Variants in NKAIN3 observed in about 807,000 individuals in gnomAD.
NKAIN3 encodes sodium/potassium transporting ATPase interacting 3, also known as sodium/potassium-transporting ATPase subunit beta-1-interacting protein 3.
NKAIN3 carries 25 observed loss-of-function variants against 30.2 expected under a neutral mutation model. That is an observed-to-expected ratio of 0.83 (90% CI 0.60 to 1.16). The LOEUF (loss-of-function observed/expected upper bound fraction) is 1.16, where lower values mean the gene tolerates loss of function less well. Among genes scored for constraint, NKAIN3 ranks in the 50% most tolerant of loss-of-function variants. NKAIN3 has a pLI of 0.00. For synonymous variants in NKAIN3, 91 were observed against 89.6 expected (o/e 1.02, Z -0.09); for missense variants, 225 against 254.1 (o/e 0.89, Z 0.78).
intron 1 of NKAIN3, among the ~76,000 whole-genome samples, chr8:62,439,344 G>A (rs930332570): frequency 6.5e-4 from 99 of 152,132 alleles, no homozygotes; most frequent in African/African-American, 1.9e-3. Flanking sequence ...GAGACTGTTA[G>A]GACAATTACT....
chr8:62,259,320 T>G (rs1812357837), intron 1 of NKAIN3, among the ~76,000 whole-genome samples: 1 of 152,132 alleles, frequency 6.6e-6, no homozygotes, highest in Admixed American at 6.5e-5. Context: ...GGAGAGATTT[T>G]CCAATTAGTG....
chr8:62,864,928 G>A (rs12679603), intron 4 of NKAIN3, among the ~76,000 whole-genome samples: 106,044 of 151,960 alleles, frequency 0.7, 37,752 homozygotes, highest in African/African-American at 0.8. Context: ...CATCTGGAGC[G>A]CGGCGTGTAT....
chr8:62,573,390 G>A (rs901211091), intron 1 of NKAIN3, among the ~76,000 whole-genome samples: 1 of 152,078 alleles, frequency 6.6e-6, no homozygotes, highest in Non-Finnish European at 1.5e-5. Flanking sequence ...ACTCAGCAAG[G>A]CTATTTCAAT....
rs779121804 is a variant in NKAIN3 at position 62,532,717 on chromosome 8, A to G, written c.55-46822A>G. ...GTTATCCCGCTCTGCTTCCAATTCC[A>G]TTCTATGAAAAGGCTTATTACTGGA... On this transcript the variant is annotated intron_variant, in intron 1 of 6. Coordinates refer to ENST00000623646, the MANE Select transcript of NKAIN3 (RefSeq NM_001304533.3). Among the ~76,000 whole-genome samples, 161 of 152,238 alleles carry G rather than the reference A, an allele frequency of 1.1e-3. 2 individuals carry two copies. The highest frequency in any genetic ancestry group is 0.01 in the Middle Eastern group (3 of 294).
intron 1 of NKAIN3, among the ~76,000 whole-genome samples, chr8:62,395,572 A>AT (rs1302833078): frequency 2.0e-5 from 3 of 152,244 alleles, no homozygotes; most frequent in African/African-American, 2.4e-5. Context: ...ATATCAGAGT[A>AT]TTTTTTGTAG....
At position 62,755,325 on chromosome 8, in the gene NKAIN3, C is replaced by A. The variant is rs188542620; in HGVS notation, c.471+8196C>A. Among the ~76,000 whole-genome samples the A allele has an allele frequency of 1.9e-4, 29 of 152,282 alleles. No homozygotes were observed. In the East Asian group the frequency reaches 5.0e-3, roughly 26 times the overall value. On this transcript the variant is annotated intron_variant, in intron 4 of 6. Coordinates refer to ENST00000623646, the MANE Select transcript of NKAIN3 (RefSeq NM_001304533.3). ...CTGTCAGATCCATAAAGCTATGAAT[C>A]TCCTGTTAGGCTGATGGGATTTAAT...
intron 5 of NKAIN3, among the ~76,000 whole-genome samples, chr8:62,930,243 G>A (rs1043026708): frequency 3.3e-5 from 5 of 149,464 alleles, no homozygotes; most frequent in African/African-American, 1.3e-4. Flanking sequence ...CCAGCCTCTA[G>A]TAACCTCCAT....
At chr8:62,615,277 T>C (rs10093124) in intron 3 of NKAIN3, among the ~76,000 whole-genome samples, 3,595 of 152,116 alleles carry the variant, frequency 0.024, 103 homozygotes, top group African/African-American at 0.075. Flanking sequence ...AGGAATGTTG[T>C]CTGGGAGGTA....
In NKAIN3 at chr8:62,581,956, C is replaced by A. The variant is rs369573421; in HGVS notation, c.192+2280C>A. Among the ~76,000 whole-genome samples the A allele has an allele frequency of 1.3e-3, 136 of 107,020 alleles. 1 individual carries two copies. The highest frequency in any genetic ancestry group is 3.0e-3 in the African/African-American group (59 of 19,962). The allele number at this position is 107,020 out of a possible 152,430, so 70.2% of individuals were successfully genotyped here. On this transcript the variant is annotated intron_variant, in intron 2 of 6. Coordinates refer to ENST00000623646, the MANE Select transcript of NKAIN3 (RefSeq NM_001304533.3). ...TCCTTCCTCCCTCCCACCTATCCTC[C>A]CTCCCTTCCTTCTATCCTTCCTCCC...
intron 3 of NKAIN3, among the ~76,000 whole-genome samples, chr8:62,627,231 C>T (rs1031546667): frequency 1.3e-5 from 2 of 152,236 alleles, no homozygotes; most frequent in Middle Eastern, 6.8e-3. Flanking sequence ...ACAGCACCCA[C>T]ACAAGTAAAT....
intron 4 of NKAIN3, among the ~76,000 whole-genome samples, chr8:62,847,147 C>G (rs1300048367): frequency 6.6e-6 from 1 of 152,092 alleles, no homozygotes; most frequent in Non-Finnish European, 1.5e-5. Context: ...GCAATGAACA[C>G]ACACACGCAT....
intron 1 of NKAIN3, among the ~76,000 whole-genome samples, chr8:62,556,390 C>T (rs1033357020): frequency 8.6e-5 from 13 of 151,490 alleles, no homozygotes; most frequent in African/African-American, 2.9e-4. Context: ...AACTGATCAA[C>T]TCAAAAGAAG....
In NKAIN3 at chr8:62,973,035, T is replaced by C. The variant is rs1585635767; in HGVS notation, c.*7628T>C. Among the ~76,000 whole-genome samples the C allele has an allele frequency of 6.6e-6, 1 of 152,202 alleles. No homozygotes were observed. Among genetic ancestry groups the C allele is most frequent in the African/African-American group, 2.4e-5 (1 of 41,456 alleles). On this transcript the variant is annotated 3_prime_UTR_variant, in exon 7 of 7. Coordinates refer to ENST00000623646, the MANE Select transcript of NKAIN3 (RefSeq NM_001304533.3). ...TTTATGGCTGCATAGTATTCCATGG[T>C]GTATATGTGCCACATTTTCTTTATC...
chr8:62,304,534 T>C (rs1416036730), intron 1 of NKAIN3, among the ~76,000 whole-genome samples: 1 of 149,262 alleles, frequency 6.7e-6, no homozygotes, highest in East Asian at 1.9e-4. Flanking sequence ...ATTTAGCACA[T>C]CTATCACCTC....
chr8:62,518,194 T>C (rs1337834296), intron 1 of NKAIN3, among the ~76,000 whole-genome samples: 1 of 152,108 alleles, frequency 6.6e-6, no homozygotes, highest in East Asian at 1.9e-4. Flanking sequence ...ACTTCATCTC[T>C]ACTAAAAATA....
chr8:62,428,746 T>C (rs943794672), intron 1 of NKAIN3, among the ~76,000 whole-genome samples: 1 of 151,910 alleles, frequency 6.6e-6, no homozygotes, highest in African/African-American at 2.4e-5. Flanking sequence ...CTTTCAGATA[T>C]TTTTGCAAAT....
rs1193338600 is a variant in NKAIN3 at position 62,787,639 on chromosome 8, A to T, written c.471+40510A>T. On this transcript the variant is annotated intron_variant, in intron 4 of 6. Transcript: ENST00000623646. Reference sequence around the variant, plus strand: ...GGTGTGCTGCACCCATTAACTCATCATTTAACATTAGGTATATCTCCTAAT... The same window carrying T: ...GGTGTGCTGCACCCATTAACTCATCTTTTAACATTAGGTATATCTCCTAAT... Among the ~76,000 whole-genome samples the T allele has an allele frequency of 4.6e-5, 7 of 152,166 alleles. No homozygotes were observed. In the East Asian group the frequency reaches 1.3e-3, roughly 29 times the overall value.
chr8:62,820,433 T>C (rs1818814661), intron 4 of NKAIN3, among the ~76,000 whole-genome samples: 1 of 152,152 alleles, frequency 6.6e-6, no homozygotes, highest in Non-Finnish European at 1.5e-5. Flanking sequence ...ACATATTACT[T>C]GATGGTAACA....
intron 4 of NKAIN3, among the ~76,000 whole-genome samples, chr8:62,892,900 G>C (rs937070172): frequency 1.3e-5 from 2 of 152,126 alleles, no homozygotes; most frequent in Admixed American, 1.3e-4. Flanking sequence ...AACTAGTTCT[G>C]TGGGTCAATT....
Sources: gnomAD v4.1 joint callset for allele counts (sites outside exome capture counted in the v4.1 genomes callset) on GRCh38, gnomAD v4.1.1 for gene constraint, MANE v1.5 for transcripts, NCBI Gene and HGNC (gene_info 2026-07-23, HGNC 2026-07-21) for gene names.